Variants in AKAP6 observed in about 807,000 individuals in gnomAD.
The protein encoded by AKAP6 is A-kinase anchoring protein 6, also known as A-kinase anchor protein 6.
In AKAP6, 58 loss-of-function variants were observed where a neutral mutation model predicts 188.5. The ratio of observed to expected loss-of-function variants is 0.31; its 90% CI spans 0.25 to 0.38. The LOEUF is 0.38. Ranked by LOEUF, AKAP6 falls within the 10% of genes least tolerant of loss-of-function variation. The probability of loss-of-function intolerance (pLI) is 1.00; values close to 1 mark genes in which losing one functional copy is unlikely to be tolerated. For synonymous variants in AKAP6, 989 were observed against 998.6 expected (o/e 0.99, Z 0.18); for missense variants, 2,710 against 2,740.0 (o/e 0.99, Z 0.24).
At chr14:32,805,138 G>A (rs1227991239) in intron 12 of AKAP6, among the ~76,000 whole-genome samples, 3 of 152,146 alleles carry the variant, frequency 2.0e-5, no homozygotes, top group East Asian at 1.9e-4. Flanking sequence ...ATTAAGACAG[G>A]CGTAAGAAGT....
chr14:32,552,213 T>G (rs1184493425), intron 4 of AKAP6, among the ~76,000 whole-genome samples: 2 of 152,198 alleles, frequency 1.3e-5, no homozygotes, highest in Non-Finnish European at 2.9e-5. Flanking sequence ...ATTTTTCCTA[T>G]GCAGCACAGC....
intron 2 of AKAP6, among the ~76,000 whole-genome samples, chr14:32,471,113 T>G (rs2138860469): frequency 6.6e-6 from 1 of 152,354 alleles, no homozygotes; most frequent in South Asian, 2.1e-4. Flanking sequence ...TTAATCAAAT[T>G]CTTACCTTTA....
At chr14:32,718,287 C>A (rs1485814328) in intron 9 of AKAP6, 2 of 985,208 alleles carry the variant, frequency 2.0e-6, no homozygotes, top group African/African-American at 3.5e-5. Context: ...ATTGAAATGA[C>A]AGTCAAGCTT....
In AKAP6 at chr14:32,721,244, A is replaced by G. The variant is rs566953048; in HGVS notation, c.3001-11210A>G. Among the ~76,000 whole-genome samples the G allele has an allele frequency of 2.6e-5, 4 of 151,774 alleles. No homozygotes were observed. In the East Asian group the frequency reaches 7.8e-4, roughly 29 times the overall value. The stretch of plus-strand genomic sequence containing the variant: ...ACCCTTTGAGATGTGTAGATTTTCA[A>G]TGTAATATAGCACAACTCTGAAGTT... On this transcript the variant is annotated intron_variant, in intron 9 of 13. Coordinates refer to ENST00000280979, the MANE Select transcript of AKAP6 (RefSeq NM_004274.5).
chr14:32,812,088 G>T (rs1357924829), intron 12 of AKAP6, among the ~76,000 whole-genome samples: 3 of 152,062 alleles, frequency 2.0e-5, no homozygotes, highest in African/African-American at 7.2e-5. Flanking sequence ...ACATCCAGGG[G>T]TATAAAACTC....
At chr14:32,510,086 C>T (rs186473006) in intron 2 of AKAP6, among the ~76,000 whole-genome samples, 31 of 151,944 alleles carry the variant, frequency 2.0e-4, no homozygotes, top group Admixed American at 6.6e-4. Context: ...GTGGGCGGAG[C>T]GCTTAAAGGG....
At chr14:32,523,837 A>G (rs1056618274) in intron 2 of AKAP6, among the ~76,000 whole-genome samples, 2 of 151,652 alleles carry the variant, frequency 1.3e-5, no homozygotes, top group African/African-American at 4.9e-5. Flanking sequence ...CTGTTTTGTC[A>G]AAGAAATTGA....
chr14:32,465,881 C>T (rs933835782), intron 2 of AKAP6, among the ~76,000 whole-genome samples: 1 of 151,916 alleles, frequency 6.6e-6, no homozygotes, highest in Non-Finnish European at 1.5e-5. Flanking sequence ...AACAAATTTA[C>T]AAGAAAAAAA....
intron 4 of AKAP6, among the ~76,000 whole-genome samples, chr14:32,548,543 T>C (rs1333647183): frequency 1.3e-5 from 2 of 149,540 alleles, no homozygotes; most frequent in East Asian, 2.0e-4. Flanking sequence ...GATAGATAGA[T>C]AGATAGATAG....
At chr14:32,443,154 G>A (rs1377425738) in intron 2 of AKAP6, among the ~76,000 whole-genome samples, 1 of 152,070 alleles carries the variant, frequency 6.6e-6, no homozygotes, top group East Asian at 1.9e-4. Flanking sequence ...CCAGTACTTT[G>A]GGCGGCCGAG....
intron 9 of AKAP6, among the ~76,000 whole-genome samples, chr14:32,699,636 C>T (rs1890546485): frequency 6.6e-6 from 1 of 152,136 alleles, no homozygotes; most frequent in Non-Finnish European, 1.5e-5. Flanking sequence ...ACTTCCCTTC[C>T]CCCTTATCTG....
At position 32,546,891 on chromosome 14, in the gene AKAP6, C is replaced by G. The variant is rs899227908; in HGVS notation, c.2238C>G (p.Ser746=). The G allele has an allele frequency of 5.0e-6, 8 of 1,613,912 alleles. No individual in the cohort carries two copies. The highest frequency in any genetic ancestry group is 6.8e-6 in the Non-Finnish European group (8 of 1,179,986). ...ATGAGAAGTCAGAAAGAGCTTCATCCTCTGAGAAAAATGAGAGCCATTCTG... is the reference window on the plus strand; with the variant it reads ...ATGAGAAGTCAGAAAGAGCTTCATCGTCTGAGAAAAATGAGAGCCATTCTG... ...YADEKSERAS[S]SEKNESHSAT... Residue 746 remains serine, a synonymous_variant, in exon 4 of 14, where the codon TCC becomes TCG. Transcript: ENST00000280979.
intron 2 of AKAP6, among the ~76,000 whole-genome samples, chr14:32,497,476 TG>T (rs1222503221): frequency 9.2e-5 from 14 of 152,142 alleles, no homozygotes; most frequent in Non-Finnish European, 4.4e-5. Flanking sequence ...TTTTATAAGT[TG>T]AATCTTTTAA....
intron 4 of AKAP6, among the ~76,000 whole-genome samples, chr14:32,549,552 T>C (rs1412357637): frequency 3.3e-5 from 5 of 152,188 alleles, no homozygotes; most frequent in Non-Finnish European, 5.9e-5. Flanking sequence ...GGAAAGGCCA[T>C]GAAGGCCACG....
At chr14:32,344,190 CA>C (rs1460596904) in intron 1 of AKAP6, among the ~76,000 whole-genome samples, 1 of 152,202 alleles carries the variant, frequency 6.6e-6, no homozygotes, top group Non-Finnish European at 1.5e-5. Flanking sequence ...TGCCCAAGGC[CA>C]TGTCCCATGA....
chr14:32,742,575 T>C (rs987288457), intron 11 of AKAP6, among the ~76,000 whole-genome samples: 3 of 152,094 alleles, frequency 2.0e-5, no homozygotes, highest in Non-Finnish European at 2.9e-5. Flanking sequence ...ATTTCCATTA[T>C]CATTTGTTTC....
At position 32,823,573 on chromosome 14, in the gene AKAP6, T is replaced by A. The variant is rs556891141; in HGVS notation, c.5760T>A (p.Leu1920=). The A allele has an allele frequency of 2.4e-5, 38 of 1,613,936 alleles. No individual in the cohort carries two copies. In the African/African-American group the frequency reaches 5.1e-4, roughly 22 times the overall value. ...PNVTSKVSEN[L]GSHGKEISES... is the part of the protein sequence containing the mutation. ...TGACTTCAAAGGTATCAGAAAATCT[T>A]GGTTCACATGGGAAAGAGATTTCAG... Residue 1920 remains leucine (L), a synonymous_variant, in exon 13 of 14, where the codon CTT becomes CTA. Transcript: ENST00000280979.
At chr14:32,682,361 A>G (rs1248127189) in intron 8 of AKAP6, among the ~76,000 whole-genome samples, 1 of 152,238 alleles carries the variant, frequency 6.6e-6, no homozygotes, top group Non-Finnish European at 1.5e-5. Context: ...AGAGAATGCT[A>G]GGGAACTTAG....
At chr14:32,756,695 G>A (rs2032346701) in intron 11 of AKAP6, among the ~76,000 whole-genome samples, 1 of 152,172 alleles carries the variant, frequency 6.6e-6, no homozygotes, top group South Asian at 2.1e-4. Context: ...AGGCCACAGG[G>A]GCCAGCCTGA....
Sources: allele counts gnomAD v4.1 joint callset (sites outside exome capture counted in the v4.1 genomes callset), GRCh38; gene constraint gnomAD v4.1.1; transcripts MANE v1.5; gene names NCBI Gene and HGNC (gene_info 2026-07-23, HGNC 2026-07-21).